The following GPD2 variants were observed in gnomAD, a reference collection of about 807,000 sequenced individuals.
GPD2 encodes the protein glycerol-3-phosphate dehydrogenase, mitochondrial.
Under a neutral mutation model 82.4 loss-of-function variants are expected in GPD2, and 54 were observed. The ratio of observed to expected loss-of-function variants is 0.66; its 90% confidence interval spans 0.53 to 0.82. The LOEUF (loss-of-function observed/expected upper bound fraction) is 0.82, where lower values mean the gene tolerates loss of function less well. GPD2 is among the 40% of genes least tolerant of loss of function. The pLI, the probability that GPD2 is intolerant of heterozygous loss-of-function variation, is 0.00. For missense variants in GPD2, 748 were observed against 896.2 expected (o/e 0.83, Z 2.11); for synonymous variants, 288 against 306.1 (o/e 0.94, Z 0.62).
At chr2:156,574,129 C>G (rs1687734055) in intron 13 of GPD2, among the ~76,000 whole-genome samples, 1 of 151,854 alleles carries the variant, frequency 6.6e-6, no homozygotes, top group Non-Finnish European at 1.5e-5. Flanking sequence ...GACCAAAATC[C>G]AACCAACTTG....
intron 6 of GPD2, among the ~76,000 whole-genome samples, chr2:156,544,556 CT>C (rs1295508348): frequency 1.3e-5 from 2 of 152,186 alleles, no homozygotes; most frequent in Non-Finnish European, 2.9e-5. Context: ...CGTACGATTT[CT>C]GATTTCCTTG....
At chr2:156,470,768 A>G (rs1683301221) in intron 1 of GPD2, among the ~76,000 whole-genome samples, 1 of 152,188 alleles carries the variant, frequency 6.6e-6, no homozygotes, top group African/African-American at 2.4e-5. Context: ...CTATAATGGG[A>G]GCCCTACAAG....
the GPD2 span, among the ~76,000 whole-genome samples, chr2:156,404,210 A>G: frequency 6.6e-6 from 1 of 151,986 alleles, no homozygotes; most frequent in Non-Finnish European, 1.5e-5. Flanking sequence ...TCTACAAAAA[A>G]TAAAAATTAA....
At chr2:156,434,294 G>C (rs1048391231), upstream of GPD2, among the ~76,000 whole-genome samples, 1 of 152,032 alleles carries the variant, frequency 6.6e-6, no homozygotes, top group African/African-American at 2.4e-5. Context: ...AGTAGAGATA[G>C]GGTTTCACCA....
At chr2:156,552,083 A>T (rs938389080) in intron 8 of GPD2, among the ~76,000 whole-genome samples, 4 of 152,354 alleles carry the variant, frequency 2.6e-5, no homozygotes, top group Admixed American at 2.6e-4. Flanking sequence ...CTTCCTGAAG[A>T]GTCTAAGATG....
At chr2:156,470,703 C>T (rs910509948) in intron 1 of GPD2, among the ~76,000 whole-genome samples, 1 of 152,120 alleles carries the variant, frequency 6.6e-6, no homozygotes, top group African/African-American at 2.4e-5. Context: ...TGGATGCACT[C>T]AGGGACTTAC....
chr2:156,500,402 T>G (rs1684546799), intron 3 of GPD2, among the ~76,000 whole-genome samples: 1 of 152,172 alleles, frequency 6.6e-6, no homozygotes, highest in South Asian at 2.1e-4. Flanking sequence ...TCATGGGCAT[T>G]TGGTTAATGA....
At chr2:156,451,963 G>A (rs891400529) in intron 1 of GPD2, among the ~76,000 whole-genome samples, 3 of 148,342 alleles carry the variant, frequency 2.0e-5, no homozygotes, top group African/African-American at 7.5e-5. Context: ...ACGGGGCGGC[G>A]GGGCAGAGGC....
At chr2:156,517,754 A>AT (rs901726334) in intron 6 of GPD2, among the ~76,000 whole-genome samples, 7 of 149,540 alleles carry the variant, frequency 4.7e-5, no homozygotes, top group Admixed American at 6.7e-5. Context: ...TCAGGAACTT[A>AT]TTTTTTTTTT....
intron 6 of GPD2, among the ~76,000 whole-genome samples, chr2:156,545,810 A>G (rs1490548074): frequency 6.6e-6 from 1 of 152,140 alleles, no homozygotes; most frequent in Non-Finnish European, 1.5e-5. Context: ...TTGCATGTTA[A>G]CATAGTTGCC....
At chr2:156,471,372 C>T (rs899394095) in intron 1 of GPD2, among the ~76,000 whole-genome samples, 2 of 152,192 alleles carry the variant, frequency 1.3e-5, no homozygotes, top group Admixed American at 6.5e-5. Context: ...CTTTACAGAA[C>T]GTTAGACAAA....
chr2:156,509,931 G>A (rs1259692492), intron 3 of GPD2, among the ~76,000 whole-genome samples: 1 of 151,808 alleles, frequency 6.6e-6, no homozygotes, highest in Non-Finnish European at 1.5e-5. Context: ...ATGCCACCAT[G>A]CCACCATGCC....
intron 3 of GPD2, among the ~76,000 whole-genome samples, chr2:156,507,164 C>T (rs1684814809): frequency 6.6e-6 from 1 of 152,058 alleles, no homozygotes; most frequent in Admixed American, 6.5e-5. Flanking sequence ...CAGGCATGCA[C>T]CACCGTGCCT....
At chr2:156,545,117 C>T (rs907004262) in intron 6 of GPD2, among the ~76,000 whole-genome samples, 13 of 152,100 alleles carry the variant, frequency 8.5e-5, no homozygotes, top group Non-Finnish European at 1.2e-4. Context: ...AGCATACACA[C>T]GCATGCCTAC....
chr2:156,541,416 A>C (rs1206469515), intron 6 of GPD2, among the ~76,000 whole-genome samples: 4 of 152,220 alleles, frequency 2.6e-5, no homozygotes, highest in Non-Finnish European at 5.9e-5. Flanking sequence ...TCTCTGTTCC[A>C]GGACAGCTAG....
At chr2:156,480,112 C>G (rs1178030223) in intron 2 of GPD2, among the ~76,000 whole-genome samples, 1 of 152,152 alleles carries the variant, frequency 6.6e-6, no homozygotes, top group East Asian at 1.9e-4. Flanking sequence ...AGTCTAAGGT[C>G]TACTGAAAGG....
intron 2 of GPD2, among the ~76,000 whole-genome samples, chr2:156,487,332 C>T (rs1340298223): frequency 2.6e-5 from 4 of 151,980 alleles, no homozygotes; most frequent in Non-Finnish European, 4.4e-5. Context: ...AAAAAAAGTG[C>T]TATTTCATAG....
At chr2:156,430,813 A>G (rs1164866066), upstream of GPD2, among the ~76,000 whole-genome samples, 1 of 152,256 alleles carries the variant, frequency 6.6e-6, no homozygotes, top group Non-Finnish European at 1.5e-5. Context: ...TGTGGTGATC[A>G]TTAAAAGTAC....
chr2:156,432,435 G>A (rs573140405), upstream of GPD2, among the ~76,000 whole-genome samples: 1 of 152,110 alleles, frequency 6.6e-6, no homozygotes, highest in South Asian at 2.1e-4. Context: ...ATTCCCCAGT[G>A]CCTATTCCCA....
Sources: gnomAD v4.1 joint callset for allele counts (sites outside exome capture counted in the v4.1 genomes callset) on GRCh38, gnomAD v4.1.1 for gene constraint, MANE v1.5 for transcripts, NCBI Gene and HGNC (gene_info 2026-07-23, HGNC 2026-07-21) for gene names.